The following TTC28 variants were observed in gnomAD, a reference collection of about 807,000 sequenced individuals.
The protein encoded by TTC28 is tetratricopeptide repeat domain 28, also known as tetratricopeptide repeat protein 28.
A neutral mutation model predicts 198.0 loss-of-function variants in TTC28; 61 were observed. The ratio of observed to expected loss-of-function variants is 0.31; its 90% CI spans 0.25 to 0.38. The LOEUF is 0.38. Ranked by LOEUF, TTC28 falls within the 10% of genes least tolerant of loss-of-function variation. TTC28 has a pLI of 1.00. For missense variants in TTC28, 2,678 were observed against 3,164.0 expected (o/e 0.85, Z 3.69); for synonymous variants, 1,171 against 1,297.8 (o/e 0.90, Z 2.10).
intron 12 of TTC28, among the ~76,000 whole-genome samples, chr22:28,081,774 A>AAGC: frequency 2.0e-5 from 3 of 152,272 alleles, no homozygotes; most frequent in Admixed American, 2.0e-4. Context: ...TTACAGGCAT[A>AAGC]AGCCACTGAG....
At chr22:28,590,129 T>C (rs971659908) in intron 2 of TTC28, among the ~76,000 whole-genome samples, 5 of 138,304 alleles carry the variant, frequency 3.6e-5, no homozygotes, top group African/African-American at 1.4e-4. Flanking sequence ...AATTTCTAAA[T>C]TTTTTTTTTT....
Position 28,196,722 on chromosome 22 carries a change from A to C in TTC28, c.934-33123T>G, listed in dbSNP as rs190320153. Among the ~76,000 whole-genome samples, 6 of 151,978 alleles carry C rather than the reference A, an allele frequency of 3.9e-5. 1 individual carries two copies. The highest frequency in any genetic ancestry group is 8.8e-5 in the Non-Finnish European group (6 of 67,840). On this transcript the variant is annotated intron_variant, in intron 5 of 22. Transcript: ENST00000397906. ...ATCATTGGCCATCAGAGAAATGCAA[A>C]TCAAAACCACACCAGTTAGTATGGC...
At chr22:28,466,400 C>T (rs1346239860) in intron 2 of TTC28, among the ~76,000 whole-genome samples, 1 of 152,146 alleles carries the variant, frequency 6.6e-6, no homozygotes, top group African/African-American at 2.4e-5. Context: ...TTTCCTCTTT[C>T]CCCTTGAGAT....
At chr22:28,053,881 CA>C (rs1940177964) in intron 12 of TTC28, among the ~76,000 whole-genome samples, 1 of 152,024 alleles carries the variant, frequency 6.6e-6, no homozygotes, top group African/African-American at 2.4e-5. Flanking sequence ...TCCTTTAGAG[CA>C]AAAAATAATG....
chr22:28,032,774 C>T (rs1425549582), intron 12 of TTC28, among the ~76,000 whole-genome samples: 1 of 152,130 alleles, frequency 6.6e-6, no homozygotes, highest in Non-Finnish European at 1.5e-5. Context: ...TTCTCACAGA[C>T]TCTATGCTTC....
intron 12 of TTC28, among the ~76,000 whole-genome samples, chr22:28,078,631 C>G (rs1941241193): frequency 6.6e-6 from 1 of 152,066 alleles, no homozygotes; most frequent in Middle Eastern, 3.4e-3. Context: ...AAACAGAGCT[C>G]CAAAAGGTGA....
intron 5 of TTC28, among the ~76,000 whole-genome samples, chr22:28,196,422 G>C (rs1187826101): frequency 1.3e-5 from 2 of 152,128 alleles, no homozygotes; most frequent in Admixed American, 1.3e-4. Flanking sequence ...GGCAACAAAA[G>C]CCAAAATTGA....
chr22:28,246,598 A>C (rs1421292912), intron 5 of TTC28, among the ~76,000 whole-genome samples: 2 of 152,198 alleles, frequency 1.3e-5, no homozygotes, highest in Non-Finnish European at 2.9e-5. Context: ...TTGGCACCTT[A>C]CATATATAAA....
chr22:28,302,879 C>T (rs1364597954), intron 3 of TTC28, among the ~76,000 whole-genome samples: 1 of 152,026 alleles, frequency 6.6e-6, no homozygotes, highest in African/African-American at 2.4e-5. Flanking sequence ...AAAAGTGACT[C>T]CCACCTAAAA....
At chr22:28,509,125 A>G (rs1291878788) in intron 2 of TTC28, among the ~76,000 whole-genome samples, 1 of 150,626 alleles carries the variant, frequency 6.6e-6, no homozygotes, top group East Asian at 2.0e-4. Context: ...CAGGAGACGG[A>G]GGTTGCAGTG....
chr22:28,082,002 A>C (rs1383991927), intron 12 of TTC28, among the ~76,000 whole-genome samples: 1 of 152,152 alleles, frequency 6.6e-6, no homozygotes, highest in African/African-American at 2.4e-5. Flanking sequence ...AGTATTTTGT[A>C]ATTTTTGATG....
At chr22:28,535,197 T>G (rs1169208992) in intron 2 of TTC28, among the ~76,000 whole-genome samples, 2 of 152,222 alleles carry the variant, frequency 1.3e-5, no homozygotes, top group Non-Finnish European at 2.9e-5. Context: ...GTTGGTTGAT[T>G]TAGGCAACCA....
At chr22:27,984,142 C>T (rs1432172697) in intron 22 of TTC28, among the ~76,000 whole-genome samples, 3 of 152,076 alleles carry the variant, frequency 2.0e-5, no homozygotes, top group Non-Finnish European at 2.9e-5. Context: ...GCAGCATGAC[C>T]CTGTATCCGC....
rs1021511580 is a variant in TTC28, at chr22:28,515,913, G to A, written c.381+113639C>T. The stretch of plus-strand genomic sequence containing the variant: ...GTAATCTCAGCACTTTGGAGCCTGA[G>A]GTGGGCAAATCACCTGAGGTCAGAA... On this transcript the variant is annotated intron_variant, in intron 2 of 22. Coordinates refer to ENST00000397906, the MANE Select transcript of TTC28 (RefSeq NM_001145418.2). 2.0e-5 allele frequency among the ~76,000 whole-genome samples: 3 copies of A among 152,116 alleles called. 1 individual carries two copies. The highest frequency in any genetic ancestry group is 2.0e-4 in the Admixed American group (3 of 15,268).
intron 6 of TTC28, among the ~76,000 whole-genome samples, chr22:28,156,353 T>C (rs1013810520): frequency 6.6e-6 from 1 of 152,190 alleles, no homozygotes; most frequent in Non-Finnish European, 1.5e-5. Context: ...AGGAGGAAGA[T>C]GGCAGCTGAC....
intron 2 of TTC28, among the ~76,000 whole-genome samples, chr22:28,496,937 T>C (rs1026023643): frequency 1.3e-5 from 2 of 152,128 alleles, no homozygotes; most frequent in African/African-American, 2.4e-5. Flanking sequence ...CCTCAAGCCA[T>C]TGCACTTATG....
At chr22:28,272,665 T>A (rs531264067) in intron 5 of TTC28, among the ~76,000 whole-genome samples, 7 of 152,350 alleles carry the variant, frequency 4.6e-5, no homozygotes, top group Admixed American at 1.3e-4. Flanking sequence ...GTATAATTTT[T>A]AAAAATCCAT....
intron 5 of TTC28, among the ~76,000 whole-genome samples, chr22:28,171,981 C>A (rs892151849): frequency 2.6e-5 from 4 of 152,094 alleles, no homozygotes; most frequent in African/African-American, 9.7e-5. Context: ...TCCCCCAAAT[C>A]TTTTCTTCCT....
chr22:28,191,029 G>A (rs1264351503), intron 5 of TTC28, among the ~76,000 whole-genome samples: 1 of 152,060 alleles, frequency 6.6e-6, no homozygotes, highest in Non-Finnish European at 1.5e-5. Flanking sequence ...GGCAAATAAC[G>A]ATTTTCACAA....
Sources: gnomAD v4.1 joint callset for allele counts (sites outside exome capture counted in the v4.1 genomes callset) on GRCh38, gnomAD v4.1.1 for gene constraint, MANE v1.5 for transcripts, NCBI Gene and HGNC (gene_info 2026-07-23, HGNC 2026-07-21) for gene names.